PPP1R3F: variants seen among roughly 807,000 people sequenced by gnomAD.
PPP1R3F encodes the protein protein phosphatase 1, regulatory (inhibitor) subunit 3F.
PPP1R3F carries 29 observed loss-of-function variants against 24.2 expected under a neutral mutation model. The observed-to-expected ratio is 1.20, with a 90% CI of 0.89 to 1.63. PPP1R3F has a LOEUF of 1.63. Among genes scored for constraint, PPP1R3F ranks in the 40% most tolerant of loss-of-function variants. The pLI, the probability that PPP1R3F is intolerant of heterozygous loss-of-function variation, is 0.00. For missense variants in PPP1R3F, 823 were observed against 729.3 expected, an observed-to-expected ratio of 1.13 and a Z score of -1.48; for synonymous variants, 363 against 340.1, an observed-to-expected ratio of 1.07 and a Z score of -0.74.
At chrX:49,271,965 C>T (rs782171582) in intron 1 of PPP1R3F, among the ~76,000 whole-genome samples, 1 of 112,493 alleles carries the variant, frequency 8.9e-6, no homozygotes, top group African/African-American at 3.2e-5. Flanking sequence ...AGTCCTGATT[C>T]TTTTTGCGGT....
intron 3 of PPP1R3F, among the ~76,000 whole-genome samples, chrX:49,284,509 C>CT (rs145170789): frequency 0.059 from 3,015 of 50,798 alleles, 243 homozygotes; most frequent in African/African-American, 0.2. Flanking sequence ...CTTTTTCTTT[C>CT]TTTTTTTTTT....
Position 49,270,543 on chromosome X carries a change from G to T in PPP1R3F, c.674G>T (p.Gly225Val), listed in dbSNP as rs781955662. The T allele has an allele frequency of 2.5e-6, 3 of 1,204,388 alleles. No homozygotes were observed. Among genetic ancestry groups the T allele is most frequent in the Non-Finnish European group, 2.2e-6 (2 of 894,293 alleles). Residue 225 changes from glycine (G) to valine (V), a missense_variant, in exon 1 of 4, where the codon GGT (glycine) becomes GTT (valine). By Grantham distance (109) the Gly-to-Val change is moderately radical. Transcript: ENST00000055335. ...DPILDPGLGL[G>V]PGQASASSPD... Reference sequence around the variant, plus strand: ...ATCCTGGATCCGGGGCTCGGCCTGGGTCCCGGCCAGGCATCCGCCTCCTCG... The same window carrying T: ...ATCCTGGATCCGGGGCTCGGCCTGGTTCCCGGCCAGGCATCCGCCTCCTCG...
intron 1 of PPP1R3F, among the ~76,000 whole-genome samples, chrX:49,280,549 C>CTTTTTT (rs782591947): frequency 1.3e-5 from 1 of 79,631 alleles, no homozygotes. Context: ...GCGTCTGGCC[C>CTTTTTT]TTTTTTTTTT....
intron 1 of PPP1R3F, among the ~76,000 whole-genome samples, chrX:49,277,218 A>G (rs1316677714): frequency 8.9e-6 from 1 of 112,558 alleles, no homozygotes; most frequent in African/African-American, 3.2e-5. Context: ...CGGGGCCAAC[A>G]CCACCTCTTT....
At chrX:49,297,185 T>TTTA (rs2066324924) in intron 3 of PPP1R3F, among the ~76,000 whole-genome samples, 1 of 94,043 alleles carries the variant, frequency 1.1e-5, no homozygotes, top group Non-Finnish European at 2.1e-5. Flanking sequence ...CTTGCTTTAT[T>TTTA]TTTATTTATT....
In PPP1R3F at chrX:49,269,840, G is replaced by T; in HGVS notation, c.-30G>T. 1.1e-6 allele frequency: 1 copy of T among 871,499 alleles called. No homozygotes were observed. The highest frequency in any genetic ancestry group is 5.4e-5 in the East Asian group (1 of 18,509). 71.8% of individuals were successfully genotyped at this position (871,499 alleles called of 1,213,427 possible). A position where few individuals can be genotyped will look rare whatever the true frequency, so the allele number is the denominator to read the frequency against. The stretch of plus-strand genomic sequence containing the variant: ...CCCTGCCCCCGCCGGTCCCGCCGCC[G>T]GTGCCGTCGGTGCCGCCGCCGCCGC... On this transcript the variant is annotated 5_prime_UTR_variant, in exon 1 of 4. Transcript: ENST00000055335.
At position 49,269,805 on chromosome X, in the gene PPP1R3F, C is replaced by G. The variant is rs2066158065; in HGVS notation, c.-65C>G. 1.4e-6 allele frequency: 1 copy of G among 709,901 alleles called. No homozygotes were observed. The allele number at this position is 709,901 out of a possible 1,213,427, so 58.5% of individuals were successfully genotyped here. On this transcript the variant is annotated 5_prime_UTR_variant, in exon 1 of 4. Coordinates refer to ENST00000055335, the MANE Select transcript of PPP1R3F (RefSeq NM_033215.5). The stretch of plus-strand genomic sequence containing the variant: ...CGCTGGCCTTCCCATTGGCTGCCCG[C>G]CCCTTCAGGCCCTGCCCCCGCCGGT...
At chrX:49,299,728 G>A (rs1032703956) in intron 3 of PPP1R3F, among the ~76,000 whole-genome samples, 5 of 112,011 alleles carry the variant, frequency 4.5e-5, no homozygotes, top group Non-Finnish European at 7.5e-5. Context: ...GGAATCTAGA[G>A]AGGCAGTCTG....
At chrX:49,272,643 A>C (rs1304102236) in intron 1 of PPP1R3F, among the ~76,000 whole-genome samples, 1 of 112,834 alleles carries the variant, frequency 8.9e-6, no homozygotes, top group East Asian at 2.8e-4. Context: ...AATGACAGTC[A>C]CTTTGCATGG....
Position 49,269,977 on chromosome X carries a change from G to A in PPP1R3F, c.108G>A (p.Arg36=), listed in dbSNP as rs1372888964. Reference sequence around the variant, plus strand: ...TCGAGGCGGCGGTGGCCCCGCGGAGGGTGCTGTTCGCCGACGAGGCCTTGG... The same window carrying A: ...TCGAGGCGGCGGTGGCCCCGCGGAGAGTGCTGTTCGCCGACGAGGCCTTGG... ...TSVEAAVAPR[R]VLFADEALGL... Residue 36 remains arginine (R), a synonymous_variant, in exon 1 of 4, where the codon AGG becomes AGA. Coordinates refer to ENST00000055335, the MANE Select transcript of PPP1R3F (RefSeq NM_033215.5). 2 of 911,340 alleles carry A rather than the reference G, an allele frequency of 2.2e-6. No homozygotes were observed. The highest frequency in any genetic ancestry group is 6.2e-5 in the Admixed American group (1 of 16,248). 75.1% of individuals were successfully genotyped at this position (911,340 alleles called of 1,213,427 possible).
chrX:49,269,833 C>G lies in PPP1R3F; in HGVS notation c.-37C>G, dbSNP rs1320503315. ...CTTCAGGCCCTGCCCCCGCCGGTCC[C>G]GCCGCCGGTGCCGTCGGTGCCGCCG... On this transcript the variant is annotated 5_prime_UTR_variant, in exon 1 of 4. Coordinates refer to ENST00000055335, the MANE Select transcript of PPP1R3F (RefSeq NM_033215.5). 3 of 862,710 alleles carry G rather than the reference C, an allele frequency of 3.5e-6. No individual in the cohort carries two copies. The East Asian group carries it at 1.7e-4, about 48-fold the overall frequency. The allele number at this position is 862,710 out of a possible 1,213,427, so 71.1% of individuals were successfully genotyped here.
In PPP1R3F at chrX:49,270,205, G is replaced by T. The variant is rs2066164120; in HGVS notation, c.336G>T (p.Gly112=). The T allele has an allele frequency of 9.1e-7, 1 of 1,095,371 alleles. No individual in the cohort carries two copies. The highest frequency in any genetic ancestry group is 1.2e-6 in the Non-Finnish European group (1 of 846,746). 90.3% of individuals were successfully genotyped at this position (1,095,371 alleles called of 1,213,427 possible). Residue 112 remains glycine, a synonymous_variant, in exon 1 of 4, where the codon GGG becomes GGT. Transcript: ENST00000055335. Reference sequence around the variant, plus strand: ...TGTGCCCCGTCCCCGCTGGCGGGGGGTTTTACCTGGTCCCCACATTTTCGC... The same window carrying T: ...TGTGCCCCGTCCCCGCTGGCGGGGGTTTTTACCTGGTCCCCACATTTTCGC... ...SPLCPVPAGG[G]FYLVPTFSLP... is the part of the protein sequence containing the mutation.
At chrX:49,283,084 A>T (rs1557120914) in intron 3 of PPP1R3F, among the ~76,000 whole-genome samples, 2 of 109,579 alleles carry the variant, frequency 1.8e-5, no homozygotes. Flanking sequence ...AAATAGTATA[A>T]TGAACCTACG....
intron 2 of PPP1R3F, among the ~76,000 whole-genome samples, chrX:49,281,665 TAAA>T (rs782136082): frequency 1.1e-5 from 1 of 92,553 alleles, no homozygotes. Flanking sequence ...CCTCATCTCT[TAAA>T]AAAAAAAAAA....
At chrX:49,285,692 G>C in intron 3 of PPP1R3F, 142 bp from the exon 4 acceptor site, 1 of 506,182 alleles carries the variant, frequency 2.0e-6, no homozygotes, top group Non-Finnish European at 3.0e-6. Flanking sequence ...GACAGAGGGC[G>C]CTTTAAGGCA....
intron 3 of PPP1R3F, among the ~76,000 whole-genome samples, chrX:49,293,881 G>C (rs1008253079): frequency 3.6e-5 from 4 of 110,984 alleles, no homozygotes; most frequent in Admixed American, 2.9e-4. Flanking sequence ...CATAGTCCCA[G>C]CTACTCAGAG....
intron 3 of PPP1R3F, among the ~76,000 whole-genome samples, chrX:49,300,405 A>T (rs917574509): frequency 2.4e-4 from 24 of 98,670 alleles, no homozygotes; most frequent in African/African-American, 9.3e-4. Context: ...GAAATCACCC[A>T]CCTTCTGCCT....
intron 1 of PPP1R3F, chrX:49,273,196 C>T (rs1024165128): frequency 1.4e-4 from 15 of 110,895 alleles, no homozygotes; most frequent in African/African-American, 4.9e-4. Flanking sequence ...ATTTCTATCA[C>T]TTTCCCAAGC....
chrX:49,271,255 T>A (rs2066178310), intron 1 of PPP1R3F, among the ~76,000 whole-genome samples: 1 of 111,746 alleles, frequency 8.9e-6, no homozygotes, highest in Admixed American at 9.4e-5. Context: ...AGACATGCTG[T>A]TAAAGGGAGG....
Sources: allele counts gnomAD v4.1 joint callset (sites outside exome capture counted in the v4.1 genomes callset), GRCh38; gene constraint gnomAD v4.1.1; transcripts MANE v1.5; gene names NCBI Gene and HGNC (gene_info 2026-07-23, HGNC 2026-07-21).